Variants in HNRNPD observed in about 807,000 individuals in gnomAD.
The protein encoded by HNRNPD is heterogeneous nuclear ribonucleoprotein D0.
Under a neutral mutation model 47.9 loss-of-function variants are expected in HNRNPD, and 3 were observed. That is an observed-to-expected ratio of 0.06 (90% CI 0.03 to 0.16). HNRNPD has a LOEUF of 0.16. HNRNPD is among the 10% of genes least tolerant of loss of function. The probability of loss-of-function intolerance (pLI) is 1.00; values close to 1 mark genes in which losing one functional copy is unlikely to be tolerated. For missense variants in HNRNPD, 287 were observed against 454.2 expected (o/e 0.63, Z 3.35); for synonymous variants, 171 against 165.1 (o/e 1.04, Z -0.28).
chr4:82,372,191 G>A (rs1720079609), intron 1 of HNRNPD, among the ~76,000 whole-genome samples: 2 of 152,000 alleles, frequency 1.3e-5, no homozygotes, highest in Non-Finnish European at 2.9e-5. Context: ...AAAAAGGAAT[G>A]GAAGCGTGAA....
Position 82,357,275 on chromosome 4 carries a change from G to A in HNRNPD, c.753+38C>T, listed in dbSNP as rs147706172. ...ATAAATGGTTAAGCTCTTTACAACA[G>A]CTAGTTTTCTCTACAAGTAAATGGA... On this transcript the variant is annotated intron_variant, in intron 5 of 8. Transcript: ENST00000313899. 9 of 1,574,784 alleles carry A rather than the reference G, an allele frequency of 5.7e-6. 1 individual carries two copies. The African/African-American group carries it at 1.2e-4, about 21-fold the overall frequency.
At chr4:82,357,241 CAGAG>C (rs1430512136) in intron 5 of HNRNPD, 68 bp downstream of exon 5, 5 of 1,476,902 alleles carry the variant, frequency 3.4e-6, no homozygotes, top group Non-Finnish European at 4.5e-6. Context: ...TAAGCCTTTA[CAGAG>C]AAAGATAAAT....
intron 2 of HNRNPD, among the ~76,000 whole-genome samples, chr4:82,366,919 T>C (rs1317200908): frequency 6.6e-6 from 1 of 152,004 alleles, no homozygotes; most frequent in Non-Finnish European, 1.5e-5. Context: ...GGCTCCATCA[T>C]AGCTTCCTGC....
chr4:82,373,517 T>A lies in HNRNPD; in HGVS notation c.162A>T (p.Gly54=). 2 of 1,541,828 alleles carry A rather than the reference T, an allele frequency of 1.3e-6. No individual in the cohort carries two copies. Among genetic ancestry groups the A allele is most frequent in the South Asian group, 2.4e-5 (2 of 83,344 alleles). Reference sequence around the variant, plus strand: ...ACTCGGCGCTGCCCCCTTCGGTGCCTCCAGACGCGGTTCCGCCCCCGGTCC... The same window carrying A: ...ACTCGGCGCTGCCCCCTTCGGTGCCACCAGACGCGGTTCCGCCCCCGGTCC... ...GAGTGGGTAS[G]GTEGGSAESE... The change falls in exon 1 of 9, where the codon GGA becomes GGT. Residue 54 remains glycine (G), a synonymous_variant. Transcript: ENST00000313899.
At chr4:82,373,260 G>C (rs965731918) in intron 1 of HNRNPD, 186 bp downstream of exon 1, 13 of 811,162 alleles carry the variant, frequency 1.6e-5, no homozygotes, top group Non-Finnish European at 2.4e-5. Context: ...GGGGCGATAA[G>C]CAGGCAAAGG....
At position 82,371,496 on chromosome 4, in the gene HNRNPD, T is replaced by C. The variant is rs767662604; in HGVS notation, c.290+32A>G. On this transcript the variant is annotated intron_variant, in intron 2 of 8. Transcript: ENST00000313899. ...TACATATTATGACTACTGAAACCTT[T>C]ATAATACAGAAATAAAATTTAAAAG... 1.9e-6 allele frequency: 3 copies of C among 1,563,232 alleles called. No homozygotes were observed. The East Asian group carries it at 7.1e-5, about 37-fold the overall frequency.
At chr4:82,373,298 C>A in intron 1 of HNRNPD, 148 bp downstream of exon 1, 1 of 1,077,924 alleles carries the variant, frequency 9.3e-7, no homozygotes, top group Non-Finnish European at 1.3e-6. Flanking sequence ...CCGGGGAACC[C>A]AACATAGAAA....
Position 82,355,307 on chromosome 4 carries a change from T to G in HNRNPD, c.*27A>C. 12 of 1,543,618 alleles carry G rather than the reference T, an allele frequency of 7.8e-6. No homozygotes were observed. The highest frequency in any genetic ancestry group is 1.4e-5 in the African/African-American group (1 of 73,470). On this transcript the variant is annotated 3_prime_UTR_variant, in exon 8 of 9. Transcript: ENST00000313899. ...AAAAACTATTTTTAGAACATACCTGTTGGGGATAAGTTGCAAATGGAATAA... is the reference window on the plus strand; with the variant it reads ...AAAAACTATTTTTAGAACATACCTGGTGGGGATAAGTTGCAAATGGAATAA...
In HNRNPD at chr4:82,373,428, G is replaced by T; in HGVS notation, c.233+18C>A. On this transcript the variant is annotated intron_variant, in intron 1 of 8. Transcript: ENST00000313899. ...GGGACTAGTTGGGCCTGACTATCCT[G>T]GGATGCCCCTTACTCACCCTTCATC... The T allele has an allele frequency of 6.4e-7, 1 of 1,570,508 alleles. No individual in the cohort carries two copies.
rs970599662 is a variant in HNRNPD at position 82,373,686 on chromosome 4, G to C, written c.-8C>G. 14 of 1,507,302 alleles carry C rather than the reference G, an allele frequency of 9.3e-6. No individual in the cohort carries two copies. In the African/African-American group the frequency reaches 1.1e-4, roughly 11 times the overall value. The allele number at this position is 1,507,302 out of a possible 1,614,324, so 93.4% of individuals were successfully genotyped here. A position where few individuals can be genotyped will look rare whatever the true frequency, so the allele number is the denominator to read the frequency against. On this transcript the variant is annotated 5_prime_UTR_variant, in exon 1 of 9. Coordinates refer to ENST00000313899, the MANE Select transcript of HNRNPD (RefSeq NM_031370.3). ...GAACTGCTCCTCCGACATAGTGCTAGTGTCTCCGCCGCTGCCGCCGAGACT... is the reference window on the plus strand; with the variant it reads ...GAACTGCTCCTCCGACATAGTGCTACTGTCTCCGCCGCTGCCGCCGAGACT...
chr4:82,363,363 C>A (rs1473915522), intron 2 of HNRNPD, among the ~76,000 whole-genome samples: 1 of 152,156 alleles, frequency 6.6e-6, no homozygotes, highest in Non-Finnish European at 1.5e-5. Flanking sequence ...AGCCACCATG[C>A]CCGGCTAAAT....
intron 7 of HNRNPD, chr4:82,356,155 T>C (rs1723704184): frequency 6.1e-6 from 1 of 164,144 alleles, no homozygotes; most frequent in African/African-American, 2.4e-5. Flanking sequence ...GAGGATACTA[T>C]TAGTTTTAAC....
At chr4:82,369,130 T>G (rs1719905416) in intron 2 of HNRNPD, among the ~76,000 whole-genome samples, 2 of 152,242 alleles carry the variant, frequency 1.3e-5, no homozygotes, top group Non-Finnish European at 2.9e-5. Flanking sequence ...TTAAAAACTC[T>G]GCCCTCAGAG....
At chr4:82,370,981 T>TACACACACATACACACACAC (rs1720017090) in intron 2 of HNRNPD, among the ~76,000 whole-genome samples, 1 of 149,354 alleles carries the variant, frequency 6.7e-6, no homozygotes, top group Non-Finnish European at 1.5e-5. Flanking sequence ...GGTATATATA[T>TACACACACATACACACACAC]ACACACACAC....
At chr4:82,368,420 A>G (rs1203762358) in intron 2 of HNRNPD, among the ~76,000 whole-genome samples, 1 of 152,180 alleles carries the variant, frequency 6.6e-6, no homozygotes, top group Admixed American at 6.5e-5. Flanking sequence ...AAAACCCCAG[A>G]TTTAAGGCAA....
At chr4:82,367,462 GTTAC>G (rs1212844997) in intron 2 of HNRNPD, among the ~76,000 whole-genome samples, 2 of 152,140 alleles carry the variant, frequency 1.3e-5, no homozygotes, top group Non-Finnish European at 2.9e-5. Context: ...TTAAAATCAT[GTTAC>G]TTTTCAAAAG....
At chr4:82,367,925 C>T (rs1719845149) in intron 2 of HNRNPD, among the ~76,000 whole-genome samples, 1 of 152,170 alleles carries the variant, frequency 6.6e-6, no homozygotes, top group African/African-American at 2.4e-5. Flanking sequence ...CATAGATCAG[C>T]AAACCAAGTA....
rs191977425 is a variant in HNRNPD, at chr4:82,354,078, T to C, written c.*107A>G. ...ATTCAGGGACTTGATACAAAAAATT[T>C]AGTTTGAACTGCTATTAGCAGGTGG... On this transcript the variant is annotated 3_prime_UTR_variant, in exon 9 of 9. Transcript: ENST00000313899. 2.6e-5 allele frequency: 4 copies of C among 152,814 alleles called. No homozygotes were observed. The highest frequency in any genetic ancestry group is 2.6e-4 in the Admixed American group (4 of 15,306). The allele number at this position is 152,814 out of a possible 1,614,324, so 9.5% of individuals were successfully genotyped here.
At chr4:82,355,491 T>G in intron 7 of HNRNPD, 90 bp from the exon 8 acceptor site, 1 of 914,396 alleles carries the variant, frequency 1.1e-6, no homozygotes, top group South Asian at 1.4e-5. Flanking sequence ...CTCAAAAAAT[T>G]AAGGGTAGCT....
Sources: gnomAD v4.1 joint callset for allele counts (sites outside exome capture counted in the v4.1 genomes callset) on GRCh38, gnomAD v4.1.1 for gene constraint, MANE v1.5 for transcripts, NCBI Gene and HGNC (gene_info 2026-07-23, HGNC 2026-07-21) for gene names.